Variants in RARB observed in about 807,000 individuals in gnomAD.
RARB encodes retinoic acid receptor beta.
A neutral mutation model predicts 51.9 loss-of-function variants in RARB; 17 were observed. The observed-to-expected ratio is 0.33, with a 90% confidence interval of 0.22 to 0.49. RARB has a LOEUF of 0.49. Among genes scored for constraint, RARB ranks in the 20% least tolerant of loss-of-function variants. RARB has a pLI of 0.99. For missense variants in RARB, 369 were observed against 550.8 expected (o/e 0.67, Z 3.30); for synonymous variants, 215 against 195.4 (o/e 1.10, Z -0.84).
At position 25,348,914 on chromosome 3, in the gene RARB, T is replaced by C. The variant is rs532218500; in HGVS notation, c.179-112279T>C. On this transcript the variant is annotated intron_variant, in intron 5 of 11. Coordinates refer to the RARB transcript ENST00000383772. ...CCATATGAAGCCTATGCTGCTGGAC[T>C]TAGGGACCACACTTTCAGAAACACT... Among the ~76,000 whole-genome samples the C allele has an allele frequency of 2.0e-5, 3 of 152,336 alleles. No homozygotes were observed. In the South Asian group the frequency reaches 6.2e-4, roughly 32 times the overall value.
In RARB at chr3:25,428,375, C is replaced by T; in HGVS notation, c.-357C>T. The T allele has an allele frequency of 8.0e-7, 1 of 1,248,582 alleles. No individual in the cohort carries two copies. Among genetic ancestry groups the T allele is most frequent in the Non-Finnish European group, 1.0e-6 (1 of 997,790 alleles). 77.3% of individuals were successfully genotyped at this position (1,248,582 alleles called of 1,614,324 possible). On this transcript the variant is annotated 5_prime_UTR_variant, in exon 1 of 8. It adds an upstream start codon to the 5' untranslated region. Coordinates refer to ENST00000330688, the MANE Select transcript of RARB (RefSeq NM_000965.5). ...TGTTTGAGGACTGGGATGCCGAGAA[C>T]GCGAGCGATCCGAGCAGGGTTTGTC...
At chr3:25,374,718 C>A (rs1295217046) in intron 5 of RARB, among the ~76,000 whole-genome samples, 1 of 152,114 alleles carries the variant, frequency 6.6e-6, no homozygotes, top group African/African-American at 2.4e-5. Context: ...TCTAGAAGGG[C>A]AAATGGAAGC....
At chr3:25,283,439 C>T (rs1289251043) in intron 5 of RARB, among the ~76,000 whole-genome samples, 1 of 152,180 alleles carries the variant, frequency 6.6e-6, no homozygotes, top group African/African-American at 2.4e-5. Context: ...GGGCCTGACC[C>T]CAAGTGGAAA....
At chr3:25,110,256 C>T (rs1050338772) in intron 3 of RARB, among the ~76,000 whole-genome samples, 5 of 152,124 alleles carry the variant, frequency 3.3e-5, no homozygotes, top group African/African-American at 4.8e-5. Context: ...ATAGGTGTTG[C>T]TTTTGCTGTT....
intron 3 of RARB, among the ~76,000 whole-genome samples, chr3:25,127,931 T>C (rs145021907): frequency 2.0e-5 from 3 of 152,102 alleles, no homozygotes; most frequent in Non-Finnish European, 2.9e-5. Flanking sequence ...AAGCCACCAT[T>C]TGGGTACATG....
At chr3:24,842,090 T>C (rs1237220589) in intron 1 of RARB, among the ~76,000 whole-genome samples, 2 of 152,138 alleles carry the variant, frequency 1.3e-5, no homozygotes, top group Admixed American at 1.3e-4. Flanking sequence ...TTGAGCAACA[T>C]TCCTGAGAGT....
chr3:24,928,669 T>C (rs1244799213), intron 2 of RARB, among the ~76,000 whole-genome samples: 5 of 152,036 alleles, frequency 3.3e-5, no homozygotes. Flanking sequence ...CAAGGTCTTT[T>C]ACAGTAGTGA....
chr3:24,939,923 C>T (rs1006292326), intron 2 of RARB, among the ~76,000 whole-genome samples: 7 of 152,152 alleles, frequency 4.6e-5, no homozygotes, highest in African/African-American at 1.4e-4. Context: ...ACACAAATAA[C>T]GTGTTTTACC....
intron 5 of RARB, among the ~76,000 whole-genome samples, chr3:25,326,278 C>G (rs1353723793): frequency 6.6e-6 from 1 of 152,164 alleles, no homozygotes; most frequent in African/African-American, 2.4e-5. Context: ...AGAGTTGCCT[C>G]TAACAGTAGA....
intron 2 of RARB, among the ~76,000 whole-genome samples, chr3:24,993,426 A>G (rs1696955448): frequency 6.6e-6 from 1 of 152,190 alleles, no homozygotes; most frequent in African/African-American, 2.4e-5. Flanking sequence ...TTAATTTACA[A>G]ATAACAATTG....
At chr3:25,484,512 C>G (rs956753774) in intron 2 of RARB, among the ~76,000 whole-genome samples, 1 of 151,846 alleles carries the variant, frequency 6.6e-6, no homozygotes, top group African/African-American at 2.4e-5. Context: ...ATAGGCTAAA[C>G]CGGGTCTGCT....
At chr3:25,140,935 A>T (rs1214462089) in intron 4 of RARB, among the ~76,000 whole-genome samples, 1 of 152,142 alleles carries the variant, frequency 6.6e-6, no homozygotes, top group Non-Finnish European at 1.5e-5. Flanking sequence ...TTTAAAATTA[A>T]GTTATGTAGA....
chr3:24,840,914 A>G (rs573302832), intron 1 of RARB, among the ~76,000 whole-genome samples: 1 of 152,176 alleles, frequency 6.6e-6, no homozygotes, highest in South Asian at 2.1e-4. Context: ...CACACATAGC[A>G]CCTAGCTTCT....
chr3:24,933,440 T>A (rs1695483747), intron 2 of RARB, among the ~76,000 whole-genome samples: 1 of 152,112 alleles, frequency 6.6e-6, no homozygotes, highest in African/African-American at 2.4e-5. Context: ...TTTCAAGAAG[T>A]CAGTTTAAAT....
intron 5 of RARB, among the ~76,000 whole-genome samples, chr3:25,418,089 C>G (rs1252999373): frequency 6.6e-6 from 1 of 152,110 alleles, no homozygotes; most frequent in African/African-American, 2.4e-5. Context: ...AATTTGCACA[C>G]AACACTTGTG....
chr3:25,206,369 T>TGTC (rs375911683), intron 5 of RARB, among the ~76,000 whole-genome samples: 4 of 152,200 alleles, frequency 2.6e-5, no homozygotes, highest in African/African-American at 9.6e-5. Context: ...ACACCTAAAT[T>TGTC]ACTCAGGTGA....
intron 2 of RARB, among the ~76,000 whole-genome samples, chr3:24,971,360 T>C (rs1459125656): frequency 1.3e-5 from 2 of 151,994 alleles, no homozygotes; most frequent in African/African-American, 4.8e-5. Flanking sequence ...AAGAAAACCA[T>C]GAGAAACAAA....
chr3:25,571,977 C>T (rs533221560), intron 4 of RARB, among the ~76,000 whole-genome samples: 5 of 152,332 alleles, frequency 3.3e-5, no homozygotes, highest in South Asian at 4.1e-4. Flanking sequence ...ATAACCAATA[C>T]CTGAAAGTAT....
chr3:25,086,378 T>C (rs1699105902), intron 3 of RARB, among the ~76,000 whole-genome samples: 1 of 152,218 alleles, frequency 6.6e-6, no homozygotes, highest in Non-Finnish European at 1.5e-5. Flanking sequence ...TTTGATTTGA[T>C]TCTTACAATT....
Sources: gnomAD v4.1 joint callset for allele counts (sites outside exome capture counted in the v4.1 genomes callset) on GRCh38, gnomAD v4.1.1 for gene constraint, MANE v1.5 for transcripts, NCBI Gene and HGNC (gene_info 2026-07-23, HGNC 2026-07-21) for gene names.